USP46: variants seen among roughly 807,000 people sequenced by gnomAD.
USP46 encodes the protein ubiquitin specific peptidase 46, also known as ubiquitin carboxyl-terminal hydrolase 46.
In USP46, 12 loss-of-function variants were observed where a neutral mutation model predicts 44.4. The ratio of observed to expected loss-of-function variants is 0.27; its 90% confidence interval spans 0.17 to 0.44. The LOEUF (loss-of-function observed/expected upper bound fraction) is 0.44, where lower values mean the gene tolerates loss of function less well. USP46 is among the 20% of genes least tolerant of loss of function. The pLI is 1.00. For synonymous variants in USP46, 155 were observed against 161.5 expected, an observed-to-expected ratio of 0.96 and a Z score of 0.31; for missense variants, 248 against 444.8, an observed-to-expected ratio of 0.56 and a Z score of 3.98.
At chr4:52,645,953 T>C (rs1718537279) in intron 1 of USP46, among the ~76,000 whole-genome samples, 4 of 150,692 alleles carry the variant, frequency 2.7e-5, no homozygotes, top group Admixed American at 2.6e-4. Flanking sequence ...AAGATGTGCC[T>C]GCTTTCCCTA....
chr4:52,630,610 T>C (rs1309826436), intron 2 of USP46, among the ~76,000 whole-genome samples: 1 of 151,982 alleles, frequency 6.6e-6, no homozygotes, highest in Non-Finnish European at 1.5e-5. Flanking sequence ...TGGTGGCGCA[T>C]GCCTGTAATC....
At position 52,659,160 on chromosome 4, in the gene USP46, G is replaced by T. The variant is rs758015884; in HGVS notation, c.-10C>A. 1.3e-6 allele frequency: 2 copies of T among 1,556,128 alleles called. No individual in the cohort carries two copies. Among genetic ancestry groups the T allele is most frequent in the Non-Finnish European group, 1.7e-6 (2 of 1,151,800 alleles). The stretch of plus-strand genomic sequence containing the variant: ...TGTTTCGGACAGTCATTAGTCTAAA[G>T]GTTGCAGCGATCCCTCACCGCCATC... On this transcript the variant is annotated 5_prime_UTR_variant, in exon 1 of 9. Transcript: ENST00000441222. The surrounding 1 kb of genome is among the most constrained non-coding windows in gnomAD (Gnocchi z 4.2).
intron 1 of USP46, among the ~76,000 whole-genome samples, chr4:52,633,458 A>C (rs1717992184): frequency 6.6e-6 from 1 of 152,238 alleles, no homozygotes; most frequent in Non-Finnish European, 1.5e-5. Flanking sequence ...GAAATAACAC[A>C]GCAAATTATG....
In USP46 at chr4:52,595,102, G is replaced by A. The variant is rs939137410; in HGVS notation, c.*2538C>T. On this transcript the variant is annotated 3_prime_UTR_variant, in exon 9 of 9. Coordinates refer to ENST00000441222, the MANE Select transcript of USP46 (RefSeq NM_022832.4). Reference sequence around the variant, plus strand: ...CCCAGCAGTTACAAGAAATACAGCAGGCCTACTCACTCCTGCAGATGACAC... The same window carrying A: ...CCCAGCAGTTACAAGAAATACAGCAAGCCTACTCACTCCTGCAGATGACAC... The A allele has an allele frequency of 1.3e-5, 2 of 152,468 alleles. No individual in the cohort carries two copies. The highest frequency in any genetic ancestry group is 2.4e-5 in the African/African-American group (1 of 41,394). 9.4% of individuals were successfully genotyped at this position (152,468 alleles called of 1,614,324 possible).
rs534272132 is a variant in USP46 at position 52,650,583 on chromosome 4, C to A, written c.36+8532G>T. 2.0e-5 allele frequency among the ~76,000 whole-genome samples: 3 copies of A among 152,198 alleles called. No homozygotes were observed. The South Asian group carries it at 6.2e-4, about 32-fold the overall frequency. ...GTAATATGTCTAAAAATAAAAGTAA[C>A]CAAATATGGCTACATTTTAATATCT... On this transcript the variant is annotated intron_variant, in intron 1 of 8. Transcript: ENST00000441222.
At chr4:52,613,733 A>AAAAAG (rs1401054627) in intron 4 of USP46, among the ~76,000 whole-genome samples, 2 of 151,750 alleles carry the variant, frequency 1.3e-5, no homozygotes, top group Non-Finnish European at 2.9e-5. Flanking sequence ...AAAAAAAAAA[A>AAAAAG]AAAAGAAAAG....
At chr4:52,632,002 T>C (rs771574356) in intron 1 of USP46, among the ~76,000 whole-genome samples, 2 of 147,180 alleles carry the variant, frequency 1.4e-5, no homozygotes, top group African/African-American at 2.5e-5. Context: ...GAGACTCCAT[T>C]GGAAAGGGAA....
intron 1 of USP46, among the ~76,000 whole-genome samples, chr4:52,657,040 C>CAAAAA (rs959028429): frequency 1.0e-4 from 3 of 29,230 alleles, no homozygotes; most frequent in Non-Finnish European, 7.2e-5. Flanking sequence ...GAGACCTTGT[C>CAAAAA]AAAAAAAAAA....
At chr4:52,620,656 A>G (rs909094449) in intron 4 of USP46, among the ~76,000 whole-genome samples, 21 of 152,238 alleles carry the variant, frequency 1.4e-4, no homozygotes, top group Non-Finnish European at 2.8e-4. Context: ...AGAGAAATGA[A>G]AGCACTCGCT....
At chr4:52,604,105 A>G (rs1329947240) in intron 6 of USP46, among the ~76,000 whole-genome samples, 1 of 152,210 alleles carries the variant, frequency 6.6e-6, no homozygotes, top group Non-Finnish European at 1.5e-5. Flanking sequence ...AGCAATACAA[A>G]CAAAAATAAT....
intron 5 of USP46, 145 bp from the exon 6 acceptor site, chr4:52,604,729 G>A (rs1716617082): frequency 1.7e-6 from 1 of 585,690 alleles, no homozygotes; most frequent in Non-Finnish European, 2.8e-6. Context: ...CTTAAGACTA[G>A]GATGGTAGAG....
At chr4:52,606,396 A>G (rs934753139) in intron 5 of USP46, among the ~76,000 whole-genome samples, 3 of 152,212 alleles carry the variant, frequency 2.0e-5, no homozygotes, top group Non-Finnish European at 4.4e-5. Context: ...ATGAACTCAC[A>G]GTTTCACATA....
chr4:52,644,768 A>T (rs920010727), intron 1 of USP46, among the ~76,000 whole-genome samples: 1 of 151,918 alleles, frequency 6.6e-6, no homozygotes, highest in African/African-American at 2.4e-5. Flanking sequence ...ACCTCTGAAA[A>T]AAACCTTGGC....
intron 5 of USP46, among the ~76,000 whole-genome samples, chr4:52,609,104 C>A (rs764715849): frequency 6.6e-6 from 1 of 152,198 alleles, no homozygotes. Flanking sequence ...GCCTAAGACA[C>A]AGTACTGAGG....
intron 1 of USP46, among the ~76,000 whole-genome samples, chr4:52,646,652 C>T (rs1272744274): frequency 6.6e-6 from 1 of 151,832 alleles, no homozygotes; most frequent in Non-Finnish European, 1.5e-5. Context: ...TTGTATTTTA[C>T]AAATATATTG....
At chr4:52,641,310 G>A (rs900257578) in intron 1 of USP46, among the ~76,000 whole-genome samples, 1 of 152,102 alleles carries the variant, frequency 6.6e-6, no homozygotes, top group Non-Finnish European at 1.5e-5. Flanking sequence ...GAAAAACAGT[G>A]CAGCCAACTT....
intron 4 of USP46, among the ~76,000 whole-genome samples, chr4:52,614,963 T>A (rs1286351723): frequency 1.3e-5 from 2 of 152,090 alleles, no homozygotes; most frequent in African/African-American, 4.8e-5. Flanking sequence ...CTGTGAAAAG[T>A]GAAGAATGTC....
chr4:52,612,815 A>C (rs1052076784), intron 4 of USP46, among the ~76,000 whole-genome samples: 2 of 152,240 alleles, frequency 1.3e-5, no homozygotes, highest in African/African-American at 2.4e-5. Flanking sequence ...ATGATAGTTT[A>C]AGGCTCAGAG....
chr4:52,629,789 A>T, intron 2 of USP46: 1 of 454,402 alleles, frequency 2.2e-6, no homozygotes, highest in Non-Finnish European at 4.4e-6. Context: ...ATTATCACCC[A>T]AAGGGTAGAA....
Sources: gnomAD v4.1 joint callset for allele counts (sites outside exome capture counted in the v4.1 genomes callset) on GRCh38, gnomAD v4.1.1 for gene constraint, Gnocchi (gnomAD v3.1) non-coding constraint, MANE v1.5 for transcripts, NCBI Gene and HGNC (gene_info 2026-07-23, HGNC 2026-07-21) for gene names.